The following BACH2 variants were observed in gnomAD, a reference collection of about 807,000 sequenced individuals.
BACH2 encodes the protein transcription regulator protein BACH2.
In BACH2, 5 loss-of-function variants were observed where a neutral mutation model predicts 61.8. The observed-to-expected ratio is 0.08, with a 90% CI of 0.04 to 0.17. The LOEUF is 0.17. Ranked by LOEUF, BACH2 falls within the 10% of genes least tolerant of loss-of-function variation. The pLI is 1.00. For synonymous variants in BACH2, 446 were observed against 440.1 expected (o/e 1.01, Z -0.17); for missense variants, 824 against 1,091.1 (o/e 0.76, Z 3.45).
intron 6 of BACH2, among the ~76,000 whole-genome samples, chr6:89,979,020 A>T (rs773622763): frequency 4.6e-5 from 7 of 152,198 alleles, no homozygotes; most frequent in Non-Finnish European, 8.8e-5. Flanking sequence ...CTGCCTTGTG[A>T]TCTCTGCCTT....
intron 5 of BACH2, among the ~76,000 whole-genome samples, chr6:90,036,647 A>C (rs947409672): frequency 6.6e-6 from 1 of 152,200 alleles, no homozygotes; most frequent in African/African-American, 2.4e-5. Context: ...TGCAGAAATC[A>C]GCACACTTTC....
At chr6:89,943,186 G>C (rs1182314987) in intron 7 of BACH2, among the ~76,000 whole-genome samples, 2 of 152,104 alleles carry the variant, frequency 1.3e-5, no homozygotes, top group African/African-American at 4.8e-5. Context: ...GTCCAGGTGT[G>C]ACATCTGGAC....
intron 1 of BACH2, 67 bp downstream of exon 1, chr6:90,296,413 C>G (rs1344590146): frequency 6.6e-6 from 1 of 150,700 alleles, no homozygotes; most frequent in African/African-American, 2.4e-5. Context: ...CGCGCCCGCT[C>G]CCCCCGCAAA....
chr6:89,969,487 G>A (rs868228777), intron 6 of BACH2, among the ~76,000 whole-genome samples: 58 of 152,164 alleles, frequency 3.8e-4, no homozygotes, highest in Admixed American at 2.5e-3. Context: ...GACAAGGGAC[G>A]GATGTGGGCT....
At chr6:90,160,712 G>C (rs1178204968) in intron 4 of BACH2, among the ~76,000 whole-genome samples, 2 of 152,146 alleles carry the variant, frequency 1.3e-5, no homozygotes, top group Non-Finnish European at 2.9e-5. Flanking sequence ...TGGTTCTTCA[G>C]ACTTGGTTTC....
intron 6 of BACH2, among the ~76,000 whole-genome samples, chr6:89,975,077 G>C (rs1562338042): frequency 6.6e-6 from 1 of 152,132 alleles, no homozygotes; most frequent in Non-Finnish European, 1.5e-5. Flanking sequence ...TTTTAAATCA[G>C]ACTCAAAATT....
intron 5 of BACH2, among the ~76,000 whole-genome samples, chr6:90,079,154 T>G (rs1186730164): frequency 3.3e-5 from 5 of 152,306 alleles, no homozygotes; most frequent in Middle Eastern, 3.4e-3. Flanking sequence ...CGTTATCACT[T>G]ACTGTGGTTG....
In BACH2 at chr6:89,932,205, G is replaced by A; in HGVS notation, c.*203C>T. 1.4e-6 allele frequency: 1 copy of A among 692,866 alleles called. No individual in the cohort carries two copies. The highest frequency in any genetic ancestry group is 2.4e-6 in the Non-Finnish European group (1 of 414,872). 42.9% of individuals were successfully genotyped at this position (692,866 alleles called of 1,614,324 possible). A position where few individuals can be genotyped will look rare whatever the true frequency, so the allele number is the denominator to read the frequency against. ...TGCTGTCTTTCCTTGCCTGGGCAAG[G>A]GGTAGCACCATTGTGAAGGTAACTA... On this transcript the variant is annotated 3_prime_UTR_variant, in exon 9 of 9. Coordinates refer to ENST00000257749, the MANE Select transcript of BACH2 (RefSeq NM_021813.4).
chr6:90,255,578 G>C (rs899453989), intron 2 of BACH2, among the ~76,000 whole-genome samples: 7 of 152,116 alleles, frequency 4.6e-5, no homozygotes, highest in Non-Finnish European at 5.9e-5. Context: ...TAAGGGAAGA[G>C]AAGAGGGAAG....
At chr6:90,017,685 T>C (rs1204630227) in intron 5 of BACH2, among the ~76,000 whole-genome samples, 1 of 152,236 alleles carries the variant, frequency 6.6e-6, no homozygotes, top group Non-Finnish European at 1.5e-5. Flanking sequence ...TCCATGTCTC[T>C]ACTTAAGATG....
At chr6:90,200,187 C>T (rs1768910959) in intron 4 of BACH2, among the ~76,000 whole-genome samples, 1 of 152,096 alleles carries the variant, frequency 6.6e-6, no homozygotes, top group South Asian at 2.1e-4. Flanking sequence ...TAAATTGTAT[C>T]TTAGTATTAT....
At chr6:90,100,720 C>G (rs987286175) in intron 4 of BACH2, among the ~76,000 whole-genome samples, 2 of 143,002 alleles carry the variant, frequency 1.4e-5, no homozygotes, top group African/African-American at 5.5e-5. Flanking sequence ...CACACACACA[C>G]ACACACAGAC....
chr6:90,050,158 A>AT (rs922498181), intron 5 of BACH2, among the ~76,000 whole-genome samples: 3 of 152,056 alleles, frequency 2.0e-5, no homozygotes, highest in African/African-American at 4.8e-5. Flanking sequence ...TTAATAGGTG[A>AT]TTTTTTTTGA....
intron 5 of BACH2, among the ~76,000 whole-genome samples, chr6:90,052,679 C>T (rs960252981): frequency 3.3e-5 from 5 of 152,190 alleles, no homozygotes; most frequent in Admixed American, 3.3e-4. Flanking sequence ...CCTCAGTCTC[C>T]CAAAGTGCTG....
At position 90,109,367 on chromosome 6, in the gene BACH2, C is replaced by A. The variant is rs114224074; in HGVS notation, c.-161-20258G>T. ...TGTCCTGGCTTCTCATCAGCTTCACCTGTGGCTCCCTCCTCTGCAGAGTCC... is the reference window on the plus strand; with the variant it reads ...TGTCCTGGCTTCTCATCAGCTTCACATGTGGCTCCCTCCTCTGCAGAGTCC... On this transcript the variant is annotated intron_variant, in intron 4 of 8. Transcript: ENST00000257749. Among the ~76,000 whole-genome samples the A allele has an allele frequency of 2.8e-4, 43 of 152,246 alleles. 1 individual carries two copies. The highest frequency in any genetic ancestry group is 9.9e-4 in the African/African-American group (41 of 41,544).
chr6:90,231,290 A>C (rs1224873760), intron 3 of BACH2, among the ~76,000 whole-genome samples: 1 of 152,222 alleles, frequency 6.6e-6, no homozygotes, highest in Non-Finnish European at 1.5e-5. Flanking sequence ...AGGACAGGAA[A>C]TCCTGTCTTT....
chr6:90,244,603 C>T (rs376422881), intron 3 of BACH2, among the ~76,000 whole-genome samples: 1 of 152,210 alleles, frequency 6.6e-6, no homozygotes, highest in Admixed American at 6.5e-5. Context: ...CCCCCTCCCC[C>T]CTTCACACGC....
intron 3 of BACH2, among the ~76,000 whole-genome samples, chr6:90,220,660 A>C (rs1387733208): frequency 6.6e-6 from 1 of 152,216 alleles, no homozygotes; most frequent in African/African-American, 2.4e-5. Flanking sequence ...CAGAAAAGGA[A>C]ATTTTTAATT....
intron 5 of BACH2, among the ~76,000 whole-genome samples, chr6:90,042,057 C>G (rs1176271394): frequency 3.9e-5 from 6 of 152,204 alleles, no homozygotes; most frequent in African/African-American, 1.4e-4. Flanking sequence ...TAAAAACACA[C>G]TGACACACTG....
Sources: allele counts gnomAD v4.1 joint callset (sites outside exome capture counted in the v4.1 genomes callset), GRCh38; gene constraint gnomAD v4.1.1; transcripts MANE v1.5; gene names NCBI Gene and HGNC (gene_info 2026-07-23, HGNC 2026-07-21).